DDHD1: variants seen among roughly 807,000 people sequenced by gnomAD.
DDHD1 encodes the protein DDHD domain containing 1.
Under a neutral mutation model 96.4 loss-of-function variants are expected in DDHD1, and 49 were observed. The ratio of observed to expected loss-of-function variants is 0.51; its 90% CI spans 0.40 to 0.64. DDHD1 has a LOEUF of 0.64. DDHD1 is among the 30% of genes least tolerant of loss of function. The probability of loss-of-function intolerance (pLI) is 0.00; values close to 1 mark genes in which losing one functional copy is unlikely to be tolerated. For missense variants in DDHD1, 1,106 were observed against 1,161.2 expected (o/e 0.95, Z 0.69); for synonymous variants, 442 against 446.5 (o/e 0.99, Z 0.13).
chr14:53,057,244 T>G (rs1347012321), intron 9 of DDHD1, among the ~76,000 whole-genome samples: 1 of 152,234 alleles, frequency 6.6e-6, no homozygotes, highest in Non-Finnish European at 1.5e-5. Context: ...CACAATTATA[T>G]GAAGCTATTT....
chr14:53,067,713 T>TC (rs1256085605), intron 6 of DDHD1, among the ~76,000 whole-genome samples: 1 of 152,208 alleles, frequency 6.6e-6, no homozygotes. Context: ...CGCCTTGGCC[T>TC]CCCAAAGTGT....
At chr14:53,059,086 G>C (rs1381905718) in intron 8 of DDHD1, among the ~76,000 whole-genome samples, 1 of 152,090 alleles carries the variant, frequency 6.6e-6, no homozygotes, top group African/African-American at 2.4e-5. Context: ...AACTTTGAAG[G>C]CTTTACAGAG....
At chr14:53,062,893 T>C in intron 7 of DDHD1, 50 bp downstream of exon 7, 1 of 1,577,354 alleles carries the variant, frequency 6.3e-7, no homozygotes, top group African/African-American at 1.4e-5. Flanking sequence ...AGAGGTCCAG[T>C]AATTCCATAA....
In DDHD1 at chr14:53,153,169, A is replaced by C; in HGVS notation, c.-71T>G. ...CCCCCAGCGCTTCCGCCACACATTC[A>C]ACGCCGCCGCCCTCTCCACCCGAAG... is the stretch of plus-strand genomic sequence containing the variant. On this transcript the variant is annotated 5_prime_UTR_variant, in exon 1 of 13. Coordinates refer to ENST00000673822, the MANE Select transcript of DDHD1 (RefSeq NM_001160148.2). 3.5e-6 allele frequency: 4 copies of C among 1,146,892 alleles called. No homozygotes were observed. The highest frequency in any genetic ancestry group is 3.4e-6 in the Non-Finnish European group (3 of 878,432). 71.0% of individuals were successfully genotyped at this position (1,146,892 alleles called of 1,614,324 possible). A position where few individuals can be genotyped will look rare whatever the true frequency, so the allele number is the denominator to read the frequency against.
At chr14:53,047,647 A>C (rs1223598110) in intron 12 of DDHD1, among the ~76,000 whole-genome samples, 2 of 152,180 alleles carry the variant, frequency 1.3e-5, no homozygotes, top group South Asian at 2.1e-4. Flanking sequence ...CTTGGGAGGA[A>C]GGACTTTGCT....
intron 1 of DDHD1, among the ~76,000 whole-genome samples, chr14:53,129,115 C>G (rs2139830802): frequency 6.6e-6 from 1 of 152,340 alleles, no homozygotes; most frequent in Middle Eastern, 3.4e-3. Context: ...GTGAAATAAA[C>G]AGCCTTGTTG....
At chr14:53,099,526 C>T (rs932252837) in intron 2 of DDHD1, among the ~76,000 whole-genome samples, 2 of 152,190 alleles carry the variant, frequency 1.3e-5, no homozygotes, top group Non-Finnish European at 2.9e-5. Flanking sequence ...AGTTTTCTCA[C>T]GACTGAATTG....
chr14:53,068,597 T>C (rs1464803087), intron 6 of DDHD1, among the ~76,000 whole-genome samples: 1 of 152,146 alleles, frequency 6.6e-6, no homozygotes, highest in Non-Finnish European at 1.5e-5. Flanking sequence ...TACTTTTTAT[T>C]ACAACATCCT....
At chr14:53,074,234 A>T (rs1445291623) in intron 4 of DDHD1, among the ~76,000 whole-genome samples, 1 of 151,864 alleles carries the variant, frequency 6.6e-6, no homozygotes, top group African/African-American at 2.4e-5. Context: ...TATAAATTTT[A>T]AAATTTTATT....
intron 4 of DDHD1, among the ~76,000 whole-genome samples, chr14:53,084,455 T>C (rs531340327): frequency 3.3e-4 from 51 of 152,280 alleles, no homozygotes; most frequent in African/African-American, 1.2e-3. Flanking sequence ...CTCAGGTTCC[T>C]AGATATTCAA....
At chr14:53,123,133 A>G (rs1312847114) in intron 1 of DDHD1, among the ~76,000 whole-genome samples, 2 of 140,682 alleles carry the variant, frequency 1.4e-5, no homozygotes, top group African/African-American at 5.0e-5. Flanking sequence ...TATTATTATT[A>G]TTATTATTAT....
At chr14:53,125,279 C>A (rs1889339151) in intron 1 of DDHD1, among the ~76,000 whole-genome samples, 1 of 152,106 alleles carries the variant, frequency 6.6e-6, no homozygotes, top group African/African-American at 2.4e-5. Flanking sequence ...CATTTTATAT[C>A]AACTCTTCCA....
intron 1 of DDHD1, among the ~76,000 whole-genome samples, chr14:53,126,897 T>C (rs930417274): frequency 3.3e-5 from 5 of 152,182 alleles, no homozygotes; most frequent in African/African-American, 9.7e-5. Context: ...ACTGTCAAAA[T>C]AGTTACTAGT....
chr14:53,073,628 A>T, intron 5 of DDHD1, 113 bp downstream of exon 5: 3 of 758,614 alleles, frequency 4.0e-6, no homozygotes, highest in South Asian at 1.9e-5. Context: ...CAAGACAATT[A>T]AATTGAAGAC....
intron 1 of DDHD1, among the ~76,000 whole-genome samples, chr14:53,143,518 C>A (rs1438642240): frequency 6.6e-6 from 1 of 152,206 alleles, no homozygotes; most frequent in Non-Finnish European, 1.5e-5. Context: ...ACGCGTCCAC[C>A]TTACTACTGT....
intron 9 of DDHD1, among the ~76,000 whole-genome samples, chr14:53,056,748 G>A (rs1188446266): frequency 6.6e-5 from 10 of 152,100 alleles, no homozygotes; most frequent in South Asian, 2.1e-4. Context: ...CCGTTCTGAC[G>A]TAAACTATTT....
In DDHD1 at chr14:53,051,918, A is replaced by T. The variant is rs1169227832; in HGVS notation, c.2447T>A (p.Leu816His). The T allele has an allele frequency of 6.3e-7, 1 of 1,586,380 alleles. No individual in the cohort carries two copies. The highest frequency in any genetic ancestry group is 8.6e-7 in the Non-Finnish European group (1 of 1,164,922). Residue 816 changes from leucine to histidine, a missense_variant, in exon 12 of 13, where the codon CTT (leucine) becomes CAT (histidine). By Grantham distance (99) the Leu-to-His change is moderately conservative (BLOSUM62 -3). Transcript: ENST00000673822. ...TGGGAGATTAAAGAACGATTCTTGA[A>T]GTCTGAAATCTGTGAAAAAAAAACA... is the stretch of plus-strand genomic sequence containing the variant. ...SGFLDSAYFR[L>H]QESFFNLPQL...
At position 53,046,079 on chromosome 14, in the gene DDHD1, T is replaced by C. The variant is rs1447774270; in HGVS notation, c.*689A>G. On this transcript the variant is annotated 3_prime_UTR_variant, in exon 13 of 13. Coordinates refer to ENST00000673822, the MANE Select transcript of DDHD1 (RefSeq NM_001160148.2). ...AAATGTATGCCACAGTGTCTATATATTCATCTGAAGAGTACAAAGATGGAG... is the reference window on the plus strand; with the variant it reads ...AAATGTATGCCACAGTGTCTATATACTCATCTGAAGAGTACAAAGATGGAG... The C allele has an allele frequency of 1.3e-5, 2 of 152,190 alleles. No individual in the cohort carries two copies. The highest frequency in any genetic ancestry group is 3.8e-4 in the East Asian group (2 of 5,196). 9.4% of individuals were successfully genotyped at this position (152,190 alleles called of 1,614,324 possible). A position where few individuals can be genotyped will look rare whatever the true frequency, so the allele number is the denominator to read the frequency against.
At chr14:53,105,649 C>T (rs937650756) in intron 1 of DDHD1, among the ~76,000 whole-genome samples, 2 of 152,024 alleles carry the variant, frequency 1.3e-5, no homozygotes, top group South Asian at 4.2e-4. Context: ...CATATACATT[C>T]CTTTATTTTT....
Sources: allele counts gnomAD v4.1 joint callset (sites outside exome capture counted in the v4.1 genomes callset), GRCh38; gene constraint gnomAD v4.1.1; transcripts MANE v1.5; gene names NCBI Gene and HGNC (gene_info 2026-07-23, HGNC 2026-07-21).